Variants in AFAP1L2 observed in about 807,000 individuals in gnomAD.
AFAP1L2 encodes the protein actin filament-associated protein 1-like 2.
In AFAP1L2, 46 loss-of-function variants were observed where a neutral mutation model predicts 99.3. That is an observed-to-expected ratio of 0.46 (90% confidence interval 0.37 to 0.59). The LOEUF (loss-of-function observed/expected upper bound fraction) is 0.59. Among genes scored for constraint, AFAP1L2 ranks in the 20% least tolerant of loss-of-function variants. The pLI, the probability that AFAP1L2 is intolerant of heterozygous loss-of-function variation, is 0.00. For missense variants in AFAP1L2, 959 were observed against 1,034.9 expected (o/e 0.93, Z 1.01); for synonymous variants, 397 against 419.1 (o/e 0.95, Z 0.64).
chr10:114,392,104 A>C (rs1397434030), intron 1 of AFAP1L2, among the ~76,000 whole-genome samples: 1 of 152,174 alleles, frequency 6.6e-6, no homozygotes, highest in Non-Finnish European at 1.5e-5. Flanking sequence ...AATCCTAGAA[A>C]GAAGAGCACA....
chr10:114,342,400 C>T (rs2048945227), intron 1 of AFAP1L2, among the ~76,000 whole-genome samples: 1 of 152,244 alleles, frequency 6.6e-6, no homozygotes, highest in African/African-American at 2.4e-5. Flanking sequence ...GTTACCAGCA[C>T]TGGCCTCTGT....
At position 114,340,655 on chromosome 10, in the gene AFAP1L2, C is replaced by T; in HGVS notation, c.93G>A (p.Leu31=). 1 of 1,614,234 alleles carries T rather than the reference C, an allele frequency of 6.2e-7. No homozygotes were observed. Among genetic ancestry groups the T allele is most frequent in the Non-Finnish European group, 8.5e-7 (1 of 1,180,046 alleles). The change falls in exon 2 of 19, where the codon CTG becomes CTA. Residue 31 remains leucine, a synonymous_variant. Transcript: ENST00000304129. ...LDQENLSSTA[L]VKKSCLAELL... is the part of the protein sequence containing the mutation. ...GCTCCGCCAGGCAGCTCTTCTTCACCAGTGCTGTGCTGCTCAGGTTCTCCT... is the reference window on the plus strand; with the variant it reads ...GCTCCGCCAGGCAGCTCTTCTTCACTAGTGCTGTGCTGCTCAGGTTCTCCT...
At position 114,315,778 on chromosome 10, in the gene AFAP1L2, C is replaced by A; in HGVS notation, c.407-13G>T. On this transcript the variant is annotated splice_polypyrimidine_tract_variant and intron_variant, in intron 5 of 18. Coordinates refer to ENST00000304129, the MANE Select transcript of AFAP1L2 (RefSeq NM_001001936.3). The stretch of plus-strand genomic sequence containing the variant: ...GCCTCTCCGTCCTCTGCAAGGAAGA[C>A]CAGCTCGGTCAGGGCCCCATGGGGC... 6.2e-7 allele frequency: 1 copy of A among 1,602,770 alleles called. No individual in the cohort carries two copies. Among genetic ancestry groups the A allele is most frequent in the Non-Finnish European group, 8.5e-7 (1 of 1,174,564 alleles).
rs1051100241 is a variant in AFAP1L2, at chr10:114,403,723, G to A, written c.16+717C>T. On this transcript the variant is annotated intron_variant, in intron 1 of 18. Transcript: ENST00000304129. ...CACCCGGGACGGCCCGCCCACCGGG[G>A]TTTGGCGGAGATCCTGGCCCCCGCC... 7.2e-5 allele frequency among the ~76,000 whole-genome samples: 11 copies of A among 152,280 alleles called. 1 individual carries two copies. The highest frequency in any genetic ancestry group is 7.2e-4 in the Admixed American group (11 of 15,300).
intron 1 of AFAP1L2, among the ~76,000 whole-genome samples, chr10:114,394,212 T>C (rs995187653): frequency 2.6e-5 from 4 of 152,192 alleles, no homozygotes; most frequent in Admixed American, 2.6e-4. Flanking sequence ...ATGTCATTTC[T>C]TGCAGCAGGC....
At position 114,295,650 on chromosome 10, in the gene AFAP1L2, CAAAGACACGTGACCCA is replaced by C; in HGVS notation, c.*376_*391del. 3 of 1,008,920 alleles carry C rather than the reference CAAAGACACGTGACCCA, an allele frequency of 3.0e-6. No homozygotes were observed. Among genetic ancestry groups the C allele is most frequent in the Non-Finnish European group, 3.6e-6 (3 of 844,912 alleles). 62.5% of individuals were successfully genotyped at this position (1,008,920 alleles called of 1,614,324 possible). A position where few individuals can be genotyped will look rare whatever the true frequency, so the allele number is the denominator to read the frequency against. On this transcript the variant is annotated 3_prime_UTR_variant, in exon 19 of 19. Transcript: ENST00000304129. The stretch of plus-strand genomic sequence containing the variant: ...CAGGAGTTTAGGTCTTCTCACTCAC[CAAAGACACGTGACCCA>C]TAAGACAGGGCCCTGCTTCCTTGAT...
intron 18 of AFAP1L2, chr10:114,296,772 G>A (rs1457361904): frequency 1.1e-5 from 8 of 713,810 alleles, no homozygotes; most frequent in Admixed American, 6.1e-5. Flanking sequence ...AAGGATGCTC[G>A]AACCAAGTGC....
In AFAP1L2 at chr10:114,295,102, C is replaced by CCTAACCAAAAAT. The variant is rs1226879013; in HGVS notation, c.*928_*939dup. 1.0e-6 allele frequency: 1 copy of CCTAACCAAAAAT among 984,584 alleles called. No individual in the cohort carries two copies. Among genetic ancestry groups the CCTAACCAAAAAT allele is most frequent in the Admixed American group, 6.2e-5 (1 of 16,164 alleles). The allele number at this position is 984,584 out of a possible 1,614,324, so 61.0% of individuals were successfully genotyped here. ...CTGCCAATTTTAAGAGGGCGATCAC[C>CCTAACCAAAAAT]CTAACCAAAAATCACCACTTTGTTC... On this transcript the variant is annotated 3_prime_UTR_variant, in exon 19 of 19. Transcript: ENST00000304129.
At position 114,340,099 on chromosome 10, in the gene AFAP1L2, G is replaced by C. The variant is rs569807125; in HGVS notation, c.145+504C>G. ...TAATCCCAGCACTTTGAGGGGCCCA[G>C]GCAGGGCGGATAGCTTGAGCCCAGG... On this transcript the variant is annotated intron_variant, in intron 2 of 18. Transcript: ENST00000304129. Among the ~76,000 whole-genome samples the C allele has an allele frequency of 5.3e-5, 8 of 151,044 alleles. No homozygotes were observed. The South Asian group carries it at 1.3e-3, about 24-fold the overall frequency.
intron 1 of AFAP1L2, among the ~76,000 whole-genome samples, chr10:114,343,707 A>C (rs2049113018): frequency 2.6e-5 from 4 of 152,212 alleles, no homozygotes; most frequent in Admixed American, 2.6e-4. Flanking sequence ...GGGCATCACT[A>C]GAGGTTGCAC....
At chr10:114,390,153 C>T (rs1436934873) in intron 1 of AFAP1L2, among the ~76,000 whole-genome samples, 1 of 152,220 alleles carries the variant, frequency 6.6e-6, no homozygotes, top group Non-Finnish European at 1.5e-5. Flanking sequence ...CTGTCCTATT[C>T]TGGTTCCTGC....
chr10:114,281,934 TTATAA>T, the AFAP1L2 span, among the ~76,000 whole-genome samples: 4 of 152,138 alleles, frequency 2.6e-5, no homozygotes, highest in Non-Finnish European at 4.4e-5. Context: ...AGAAAGTAAC[TTATAA>T]TAAAAAGCTG....
intron 1 of AFAP1L2, among the ~76,000 whole-genome samples, chr10:114,353,639 A>C (rs2050876649): frequency 6.6e-6 from 1 of 152,224 alleles, no homozygotes; most frequent in Non-Finnish European, 1.5e-5. Flanking sequence ...CTCTGAGTCG[A>C]CCTTACATTG....
intron 8 of AFAP1L2, among the ~76,000 whole-genome samples, chr10:114,309,909 A>G (rs1365647931): frequency 6.6e-6 from 1 of 151,960 alleles, no homozygotes; most frequent in African/African-American, 2.4e-5. Flanking sequence ...CTCTTTTCCA[A>G]GCAGTGTATG....
At chr10:114,287,129 A>T in the AFAP1L2 span, among the ~76,000 whole-genome samples, 6 of 152,208 alleles carry the variant, frequency 3.9e-5, no homozygotes, top group African/African-American at 1.4e-4. Context: ...TCTAGAGAAC[A>T]CTGTCCCCAC....
chr10:114,349,427 G>C (rs1259547227), intron 1 of AFAP1L2, among the ~76,000 whole-genome samples: 1 of 137,472 alleles, frequency 7.3e-6, no homozygotes, highest in Non-Finnish European at 1.6e-5. Context: ...AAACAAAAAA[G>C]AAAAAAGAAG....
intron 1 of AFAP1L2, among the ~76,000 whole-genome samples, chr10:114,347,487 T>A (rs1399549529): frequency 6.6e-6 from 1 of 152,156 alleles, no homozygotes; most frequent in African/African-American, 2.4e-5. Flanking sequence ...TTTACTTTCT[T>A]TTTTTTGAGA....
intron 2 of AFAP1L2, among the ~76,000 whole-genome samples, chr10:114,336,318 C>T (rs1383264136): frequency 2.0e-5 from 3 of 152,248 alleles, no homozygotes; most frequent in Admixed American, 6.5e-5. Flanking sequence ...GTCTGGGAGG[C>T]GGCAGCCTTG....
chr10:114,382,493 G>A (rs1322771115), intron 1 of AFAP1L2, among the ~76,000 whole-genome samples: 1 of 151,860 alleles, frequency 6.6e-6, no homozygotes, highest in East Asian at 1.9e-4. Flanking sequence ...AGACAGGCTG[G>A]CTAATGAGTT....
Sources: gnomAD v4.1 joint callset for allele counts (sites outside exome capture counted in the v4.1 genomes callset) on GRCh38, gnomAD v4.1.1 for gene constraint, MANE v1.5 for transcripts, NCBI Gene and HGNC (gene_info 2026-07-23, HGNC 2026-07-21) for gene names.